The following PLCXD3 variants were observed in gnomAD, a reference collection of about 807,000 sequenced individuals.
PLCXD3 encodes phosphatidylinositol specific phospholipase C X domain containing 3, also known as PI-PLC X domain-containing protein 3.
Under a neutral mutation model 25.5 loss-of-function variants are expected in PLCXD3, and 19 were observed. That is an observed-to-expected ratio of 0.75 (90% CI 0.52 to 1.09). The LOEUF is 1.09. PLCXD3 is among the 50% of genes least tolerant of loss of function. The pLI, the probability that PLCXD3 is intolerant of heterozygous loss-of-function variation, is 0.00. For synonymous variants in PLCXD3, 174 were observed against 137.6 expected (o/e 1.26, Z -1.85); for missense variants, 411 against 388.1 (o/e 1.06, Z -0.50).
chr5:41,406,200 C>G (rs1746345145), intron 1 of PLCXD3, among the ~76,000 whole-genome samples: 1 of 152,038 alleles, frequency 6.6e-6, no homozygotes, highest in African/African-American at 2.4e-5. Context: ...TGAAGGTTAA[C>G]ACCTTCATTT....
At chr5:41,377,718 A>C (rs1354427781) in intron 2 of PLCXD3, among the ~76,000 whole-genome samples, 2 of 152,106 alleles carry the variant, frequency 1.3e-5, no homozygotes, top group Non-Finnish European at 2.9e-5. Flanking sequence ...GGCTAGATTT[A>C]GTTTCCCTGA....
At chr5:41,489,938 C>T (rs918730146) in intron 1 of PLCXD3, among the ~76,000 whole-genome samples, 21 of 151,982 alleles carry the variant, frequency 1.4e-4, no homozygotes, top group Admixed American at 9.8e-4. Context: ...CCTTCTCCTG[C>T]CTAATTGCCC....
chr5:41,508,378 C>T (rs1172426342), intron 1 of PLCXD3, among the ~76,000 whole-genome samples: 1 of 152,194 alleles, frequency 6.6e-6, no homozygotes. Context: ...AATCACAAAG[C>T]CTTTCCCTCC....
chr5:41,417,551 T>C (rs1746722386), intron 1 of PLCXD3, among the ~76,000 whole-genome samples: 2 of 152,238 alleles, frequency 1.3e-5, no homozygotes, highest in African/African-American at 4.8e-5. Context: ...ATCAGGACTC[T>C]GGGAAATCCT....
At chr5:41,333,215 G>A (rs945265536) in intron 2 of PLCXD3, among the ~76,000 whole-genome samples, 3 of 152,060 alleles carry the variant, frequency 2.0e-5, no homozygotes, top group Non-Finnish European at 1.5e-5. Flanking sequence ...TCATTGATCT[G>A]CAAAGTTTAA....
intron 2 of PLCXD3, among the ~76,000 whole-genome samples, chr5:41,367,971 G>A (rs1349820203): frequency 1.3e-5 from 2 of 151,926 alleles, no homozygotes; most frequent in African/African-American, 4.8e-5. Context: ...CTTATTTCTG[G>A]GTTCTCTATT....
intron 1 of PLCXD3, among the ~76,000 whole-genome samples, chr5:41,411,437 C>A (rs1204967973): frequency 1.3e-5 from 2 of 152,140 alleles, no homozygotes; most frequent in Non-Finnish European, 2.9e-5. Context: ...CTCTTCCTTC[C>A]AGTCTCCCTT....
intron 2 of PLCXD3, among the ~76,000 whole-genome samples, chr5:41,356,110 C>A (rs1390510357): frequency 6.6e-6 from 1 of 151,924 alleles, no homozygotes; most frequent in East Asian, 1.9e-4. Context: ...ACTAAAAATG[C>A]AAAAAATTAG....
intron 2 of PLCXD3, among the ~76,000 whole-genome samples, chr5:41,324,381 C>A (rs770518439): frequency 5.9e-5 from 9 of 152,096 alleles, no homozygotes; most frequent in Non-Finnish European, 1.3e-4. Flanking sequence ...CACTAATCCC[C>A]GGCTAGTACC....
chr5:41,332,870 C>A (rs908843439), intron 2 of PLCXD3, among the ~76,000 whole-genome samples: 1 of 152,118 alleles, frequency 6.6e-6, no homozygotes, highest in Non-Finnish European at 1.5e-5. Context: ...CGCATATTCT[C>A]ACTCATAGGT....
intron 1 of PLCXD3, among the ~76,000 whole-genome samples, chr5:41,433,352 A>G (rs1747162278): frequency 1.3e-5 from 2 of 152,224 alleles, no homozygotes; most frequent in African/African-American, 4.8e-5. Flanking sequence ...ATCAGTGTTC[A>G]TTAAATGATA....
rs1255481548 is a variant in PLCXD3 at position 41,310,659 on chromosome 5, G to T, written c.*2958C>A. ...TGCTCCAGGGCAGAACTAATGGATA[G>T]AAGACAGTCAAAGGCACCTTCTCTC... On this transcript the variant is annotated 3_prime_UTR_variant, in exon 3 of 3. Coordinates refer to ENST00000377801, the MANE Select transcript of PLCXD3 (RefSeq NM_001005473.3). 6.6e-6 allele frequency: 1 copy of T among 152,578 alleles called. No individual in the cohort carries two copies. The highest frequency in any genetic ancestry group is 1.9e-4 in the East Asian group (1 of 5,186). 9.5% of individuals were successfully genotyped at this position (152,578 alleles called of 1,614,324 possible).
At chr5:41,354,130 C>G (rs1744551701) in intron 2 of PLCXD3, among the ~76,000 whole-genome samples, 1 of 152,148 alleles carries the variant, frequency 6.6e-6, no homozygotes, top group African/African-American at 2.4e-5. Context: ...TCCAGCCAAT[C>G]CTTTATGGAT....
At chr5:41,498,416 C>T (rs2058074418) in intron 1 of PLCXD3, among the ~76,000 whole-genome samples, 1 of 151,424 alleles carries the variant, frequency 6.6e-6, no homozygotes, top group African/African-American at 2.4e-5. Flanking sequence ...TGGGATAAAC[C>T]AGAGGAAATG....
chr5:41,505,290 C>A (rs1749031112), intron 1 of PLCXD3, among the ~76,000 whole-genome samples: 1 of 152,042 alleles, frequency 6.6e-6, no homozygotes, highest in African/African-American at 2.4e-5. Flanking sequence ...AACTGACATT[C>A]AATCTAGTGG....
chr5:41,425,638 G>A (rs1200943265), intron 1 of PLCXD3, among the ~76,000 whole-genome samples: 2 of 151,990 alleles, frequency 1.3e-5, no homozygotes, highest in African/African-American at 2.4e-5. Flanking sequence ...CTATTCATCC[G>A]TTTCTCCTTT....
chr5:41,411,132 C>T (rs1746508281), intron 1 of PLCXD3, among the ~76,000 whole-genome samples: 1 of 152,166 alleles, frequency 6.6e-6, no homozygotes, highest in African/African-American at 2.4e-5. Flanking sequence ...AATACAAAAC[C>T]TGGCAAATAA....
intron 2 of PLCXD3, among the ~76,000 whole-genome samples, chr5:41,330,387 C>T (rs890277802): frequency 6.6e-6 from 1 of 152,132 alleles, no homozygotes; most frequent in African/African-American, 2.4e-5. Context: ...CCTCCCAAGA[C>T]TAAACCAGGA....
intron 2 of PLCXD3, among the ~76,000 whole-genome samples, chr5:41,362,824 T>A (rs1440297384): frequency 2.0e-5 from 3 of 152,144 alleles, no homozygotes. Context: ...GCAATTCACT[T>A]GGTTTAGGGT....
Sources: allele counts gnomAD v4.1 joint callset (sites outside exome capture counted in the v4.1 genomes callset), GRCh38; gene constraint gnomAD v4.1.1; transcripts MANE v1.5; gene names NCBI Gene and HGNC (gene_info 2026-07-23, HGNC 2026-07-21).